Variants in ADAMTSL3 observed in about 807,000 individuals in gnomAD.
The protein encoded by ADAMTSL3 is ADAMTS like 3, also known as ADAMTS-like protein 3.
In ADAMTSL3, 128 loss-of-function variants were observed where a neutral mutation model predicts 201.7. The observed-to-expected ratio is 0.63, with a 90% CI of 0.55 to 0.73. The LOEUF is 0.73. ADAMTSL3 is among the 30% of genes least tolerant of loss of function. ADAMTSL3 has a pLI of 0.00. For synonymous variants in ADAMTSL3, 738 were observed against 748.4 expected, an observed-to-expected ratio of 0.99 and a Z score of 0.23; for missense variants, 1,990 against 2,119.6, an observed-to-expected ratio of 0.94 and a Z score of 1.20.
intron 22 of ADAMTSL3, 98 bp downstream of exon 22, chr15:83,988,916 C>A (rs1596503968): frequency 1.3e-6 from 1 of 756,806 alleles, no homozygotes; most frequent in East Asian, 8.7e-5. Flanking sequence ...GAGTCTCGCT[C>A]TGTCGCCCAG....
chr15:83,974,548 G>A (rs937697785), intron 20 of ADAMTSL3, among the ~76,000 whole-genome samples: 2 of 152,306 alleles, frequency 1.3e-5, no homozygotes, highest in South Asian at 4.1e-4. Context: ...GTATGAGCTT[G>A]TATGGGGTAG....
At chr15:83,767,294 G>C (rs1463664550) in intron 3 of ADAMTSL3, among the ~76,000 whole-genome samples, 1 of 152,180 alleles carries the variant, frequency 6.6e-6, no homozygotes, top group African/African-American at 2.4e-5. Flanking sequence ...GCGTTATGTA[G>C]GACAAGCTTG....
At position 83,685,084 on chromosome 15, in the gene ADAMTSL3, T is replaced by C. The variant is rs1483859529; in HGVS notation, c.70-19305T>C. On this transcript the variant is annotated intron_variant, in intron 2 of 29. Transcript: ENST00000286744. The stretch of plus-strand genomic sequence containing the variant: ...TTCAGTATTATAATTTATATTGCCC[T>C]GATTACTAGTGAAATACCCATCTTT... Among the ~76,000 whole-genome samples the C allele has an allele frequency of 2.0e-5, 3 of 152,180 alleles. No individual in the cohort carries two copies. In the East Asian group the frequency reaches 5.8e-4, roughly 29 times the overall value.
intron 27 of ADAMTSL3, among the ~76,000 whole-genome samples, chr15:84,030,055 T>G (rs2068376411): frequency 6.6e-6 from 1 of 152,244 alleles, no homozygotes; most frequent in Admixed American, 6.5e-5. Flanking sequence ...GACAGAAGTT[T>G]GCTGCAGGAG....
chr15:83,779,622 T>G (rs1165984492), intron 4 of ADAMTSL3, among the ~76,000 whole-genome samples: 1 of 137,406 alleles, frequency 7.3e-6, no homozygotes, highest in African/African-American at 2.8e-5. Flanking sequence ...GGTGTGAACC[T>G]GGGAGGCAGA....
intron 19 of ADAMTSL3, among the ~76,000 whole-genome samples, chr15:83,953,380 T>A (rs2066791868): frequency 6.8e-6 from 1 of 147,554 alleles, no homozygotes; most frequent in Non-Finnish European, 1.5e-5. Flanking sequence ...GATGACAACT[T>A]AACACATTGT....
At chr15:83,819,672 A>T (rs1310366014) in intron 5 of ADAMTSL3, 139 bp from the exon 6 acceptor site, 2 of 638,050 alleles carry the variant, frequency 3.1e-6, no homozygotes, top group East Asian at 5.3e-5. Flanking sequence ...AAAAAAAAAA[A>T]AAAAAAAGAG....
At chr15:83,669,233 C>T (rs1275186958) in intron 2 of ADAMTSL3, among the ~76,000 whole-genome samples, 1 of 152,068 alleles carries the variant, frequency 6.6e-6, no homozygotes, top group African/African-American at 2.4e-5. Context: ...GCAACCTCCG[C>T]CTCCTGGGTT....
chr15:83,824,783 A>G (rs2063984264), intron 6 of ADAMTSL3: 1 of 152,110 alleles, frequency 6.6e-6, no homozygotes, highest in South Asian at 2.1e-4. Context: ...TATATTATAC[A>G]TTTAAGTTTC....
rs147113160 is a variant in ADAMTSL3, at chr15:83,982,480, G to A, written c.2852G>A (p.Arg951His). 3.3e-5 allele frequency: 53 copies of A among 1,614,158 alleles called. No individual in the cohort carries two copies. Among genetic ancestry groups the A allele is most frequent in the African/African-American group, 1.3e-4 (10 of 75,036 alleles). Residue 951 changes from arginine to histidine, a missense_variant, in exon 21 of 30, where the codon CGT (arginine) becomes CAT (histidine). Coordinates refer to ENST00000286744, the MANE Select transcript of ADAMTSL3 (RefSeq NM_207517.3). ...CTGATCCAGTGGGAGAAGGATGGCC[G>A]TTGCCTGCAGAACTCCAAACGGCTT... is the stretch of plus-strand genomic sequence containing the variant. ...KSLIQWEKDGRCLQNSKRLGI... is the reference protein window; with the variant it reads ...KSLIQWEKDGHCLQNSKRLGI...
intron 3 of ADAMTSL3, among the ~76,000 whole-genome samples, chr15:83,752,651 AT>A (rs1350986044): frequency 6.6e-6 from 1 of 152,232 alleles, no homozygotes; most frequent in Admixed American, 6.5e-5. Context: ...AATATCTAAT[AT>A]AGTAGCCAGT....
rs532256048 is a variant in ADAMTSL3 at position 83,974,436 on chromosome 15, ATAT to A, written c.2644+3801_2644+3803del. ...CCAGGCACACACTAAAAGCTCAAAAATATTGATTATTTTTAAGGTCTTTTTATC... is the reference window on the plus strand; with the variant it reads ...CCAGGCACACACTAAAAGCTCAAAAATGATTATTTTTAAGGTCTTTTTATC... On this transcript the variant is annotated intron_variant, in intron 20 of 29. Coordinates refer to ENST00000286744, the MANE Select transcript of ADAMTSL3 (RefSeq NM_207517.3). Among the ~76,000 whole-genome samples the A allele has an allele frequency of 7.5e-3, 1,145 of 152,336 alleles. 7 individuals are homozygous for A. The highest frequency in any genetic ancestry group is 0.012 in the Non-Finnish European group (835 of 68,030).
rs531250319 is a variant in ADAMTSL3 at position 83,795,865 on chromosome 15, G to A, written c.318-8785G>A. 3.9e-5 allele frequency among the ~76,000 whole-genome samples: 6 copies of A among 152,174 alleles called. No individual in the cohort carries two copies. In the South Asian group the frequency reaches 1.2e-3, roughly 32 times the overall value. ...CAACCGGCTGCATAGGATTCCTGTC[G>A]ATAGAGCCCTGCTAATGACAAACTT... On this transcript the variant is annotated intron_variant, in intron 4 of 29. Coordinates refer to ENST00000286744, the MANE Select transcript of ADAMTSL3 (RefSeq NM_207517.3).
chr15:83,919,258 A>C (rs1041729579), intron 16 of ADAMTSL3, among the ~76,000 whole-genome samples: 1 of 152,272 alleles, frequency 6.6e-6, no homozygotes, highest in East Asian at 1.9e-4. Flanking sequence ...GAGAATACCT[A>C]TGAGGAGTGC....
chr15:83,844,407 T>A (rs1436379073), intron 7 of ADAMTSL3, among the ~76,000 whole-genome samples: 2 of 152,202 alleles, frequency 1.3e-5, no homozygotes, highest in African/African-American at 4.8e-5. Flanking sequence ...CAAATTTAAC[T>A]TATTCCATAG....
At chr15:83,825,744 G>A (rs2064008023) in intron 6 of ADAMTSL3, among the ~76,000 whole-genome samples, 2 of 152,080 alleles carry the variant, frequency 1.3e-5, no homozygotes, top group Non-Finnish European at 2.9e-5. Context: ...CCAAGGTGAG[G>A]AAGAGAATGA....
At chr15:83,811,806 A>G (rs1567160858) in intron 5 of ADAMTSL3, among the ~76,000 whole-genome samples, 1 of 152,238 alleles carries the variant, frequency 6.6e-6, no homozygotes, top group Non-Finnish European at 1.5e-5. Flanking sequence ...ATCAGTTGCT[A>G]TGCTTGTCAT....
intron 19 of ADAMTSL3, among the ~76,000 whole-genome samples, chr15:83,967,965 T>A (rs1276052524): frequency 1.3e-5 from 2 of 152,070 alleles, no homozygotes; most frequent in Admixed American, 6.6e-5. Flanking sequence ...GGTATTGGGA[T>A]AACTGGCTAT....
chr15:83,911,254 G>A (rs1250679594), intron 15 of ADAMTSL3, among the ~76,000 whole-genome samples: 1 of 152,106 alleles, frequency 6.6e-6, no homozygotes, highest in Non-Finnish European at 1.5e-5. Context: ...TACATATGGG[G>A]CAGTTCATGT....
Sources: allele counts gnomAD v4.1 joint callset (sites outside exome capture counted in the v4.1 genomes callset), GRCh38; gene constraint gnomAD v4.1.1; transcripts MANE v1.5; gene names NCBI Gene and HGNC (gene_info 2026-07-23, HGNC 2026-07-21).